The following LHPP variants were observed in gnomAD, a reference collection of about 807,000 sequenced individuals.
The protein encoded by LHPP is hLHPP.
Under a neutral mutation model 30.3 loss-of-function variants are expected in LHPP, and 24 were observed. That is an observed-to-expected ratio of 0.79 (90% CI 0.57 to 1.11). The LOEUF (loss-of-function observed/expected upper bound fraction) is 1.11. Among genes scored for constraint, LHPP ranks in the 50% most tolerant of loss-of-function variants. The pLI is 0.00. For missense variants in LHPP, 356 were observed against 367.2 expected (o/e 0.97, Z 0.25); for synonymous variants, 150 against 157.1 (o/e 0.95, Z 0.34).
intron 5 of LHPP, among the ~76,000 whole-genome samples, chr10:124,505,699 T>C (rs1173332530): frequency 6.6e-6 from 1 of 152,212 alleles, no homozygotes; most frequent in Admixed American, 6.5e-5. Context: ...AATCAGTGGA[T>C]GGTTTTATAG....
intron 6 of LHPP, among the ~76,000 whole-genome samples, chr10:124,610,554 C>CGGAGCGGGTGAGGGTGAGGGTGA (rs1949167412): frequency 4.0e-4 from 1 of 2,524 alleles, no homozygotes; most frequent in Non-Finnish European, 1.0e-3. Context: ...GGTGAGGGTG[C>CGGAGCGGGTGAGGGTGAGGGTGA]GGGTGAGGGT....
At chr10:124,534,057 G>C (rs1211823374) in intron 6 of LHPP, among the ~76,000 whole-genome samples, 1 of 152,092 alleles carries the variant, frequency 6.6e-6, no homozygotes, top group Admixed American at 6.5e-5. Flanking sequence ...AGGGGGCCTG[G>C]GGTGGGGAGC....
In LHPP at chr10:124,496,752, G is replaced by A. The variant is rs990129982; in HGVS notation, c.468-209G>A. On this transcript the variant is annotated intron_variant, in intron 3 of 6. Coordinates refer to ENST00000368842, the MANE Select transcript of LHPP (RefSeq NM_022126.4). This position sits in a 1 kb window ranked among gnomAD's most constrained non-coding sequence, Gnocchi z 4.3. ...CATCCCTGGAGCTGCTGGCTGCTGC[G>A]CTCGCCCCACTGGGTGTGGCGGCCT... 3.3e-5 allele frequency among the ~76,000 whole-genome samples: 5 copies of A among 152,200 alleles called. No individual in the cohort carries two copies. Among genetic ancestry groups the A allele is most frequent in the Admixed American group, 6.5e-5 (1 of 15,282 alleles).
At chr10:124,612,087 C>A (rs1423893763) in intron 6 of LHPP, among the ~76,000 whole-genome samples, 1 of 152,180 alleles carries the variant, frequency 6.6e-6, no homozygotes, top group Admixed American at 6.5e-5. Flanking sequence ...GGATGAGGTG[C>A]CACTTCCTCA....
chr10:124,533,509 G>A (rs758666487), intron 6 of LHPP, among the ~76,000 whole-genome samples: 4 of 152,216 alleles, frequency 2.6e-5, no homozygotes, highest in Non-Finnish European at 4.4e-5. Flanking sequence ...AGTGTGGCAC[G>A]CCTTGGGGAC....
chr10:124,562,713 C>CT (rs1368834889), intron 6 of LHPP, among the ~76,000 whole-genome samples: 1 of 152,142 alleles, frequency 6.6e-6, no homozygotes, highest in Non-Finnish European at 1.5e-5. Flanking sequence ...GGGTGGATCA[C>CT]TTGAGGCCAG....
intron 6 of LHPP, among the ~76,000 whole-genome samples, chr10:124,540,657 T>C (rs1955159399): frequency 6.6e-6 from 1 of 152,198 alleles, no homozygotes; most frequent in Non-Finnish European, 1.5e-5. Flanking sequence ...GAACGTGGCT[T>C]GGGGTTCACG....
intron 1 of LHPP, among the ~76,000 whole-genome samples, chr10:124,470,112 C>T (rs936983980): frequency 8.5e-5 from 13 of 152,188 alleles, no homozygotes; most frequent in Non-Finnish European, 1.9e-4. Flanking sequence ...TATTGAAGCC[C>T]TTTCATGGGC....
At chr10:124,544,179 G>A (rs57452993) in intron 6 of LHPP, among the ~76,000 whole-genome samples, 12,558 of 152,270 alleles carry the variant, frequency 0.082, 742 homozygotes, top group African/African-American at 0.16. Flanking sequence ...TCTGACAGAC[G>A]GGTATGTGCC....
At chr10:124,598,064 C>T (rs1948972912) in intron 6 of LHPP, among the ~76,000 whole-genome samples, 1 of 152,188 alleles carries the variant, frequency 6.6e-6, no homozygotes, top group East Asian at 1.9e-4. Context: ...GTCCAGGCCT[C>T]CCAGCCCCAA....
chr10:124,553,789 C>CG, intron 6 of LHPP: 1 of 636,996 alleles, frequency 1.6e-6, no homozygotes, highest in Non-Finnish European at 2.0e-6. Flanking sequence ...GTATGACTCC[C>CG]GGTGATATTG....
chr10:124,503,218 C>T (rs1303377681), intron 5 of LHPP, among the ~76,000 whole-genome samples: 2 of 151,356 alleles, frequency 1.3e-5, no homozygotes, highest in Non-Finnish European at 2.9e-5. Context: ...AGGCATGTGC[C>T]ACCACGCCCA....
intron 6 of LHPP, among the ~76,000 whole-genome samples, chr10:124,602,392 T>C (rs1361724607): frequency 2.6e-5 from 4 of 152,244 alleles, no homozygotes; most frequent in African/African-American, 9.6e-5. Context: ...GCTGATGTCC[T>C]GGAGGCCACA....
At chr10:124,500,921 A>C (rs982393133) in intron 5 of LHPP, among the ~76,000 whole-genome samples, 1 of 151,996 alleles carries the variant, frequency 6.6e-6, no homozygotes, top group Non-Finnish European at 1.5e-5. Flanking sequence ...GAACTGAAAC[A>C]CGTGTTCAAA....
intron 6 of LHPP, among the ~76,000 whole-genome samples, chr10:124,572,492 G>C (rs899673399): frequency 1.3e-5 from 2 of 152,006 alleles, no homozygotes; most frequent in East Asian, 3.9e-4. Flanking sequence ...TTAGCTGGGC[G>C]TGGTGGTGGG....
intron 6 of LHPP, among the ~76,000 whole-genome samples, chr10:124,591,593 C>T (rs1948882795): frequency 1.3e-5 from 2 of 151,956 alleles, no homozygotes; most frequent in Non-Finnish European, 2.9e-5. Flanking sequence ...GCACTGTGTC[C>T]GTGTCTCTGT....
intron 6 of LHPP, among the ~76,000 whole-genome samples, chr10:124,528,971 A>G (rs1954813761): frequency 6.7e-6 from 1 of 149,914 alleles, no homozygotes; most frequent in African/African-American, 2.5e-5. Context: ...TAAGAATAAG[A>G]GTTATTTTTT....
At chr10:124,582,561 C>G (rs1369367270) in intron 6 of LHPP, among the ~76,000 whole-genome samples, 1 of 150,680 alleles carries the variant, frequency 6.6e-6, no homozygotes, top group Non-Finnish European at 1.5e-5. Flanking sequence ...TCTGTATATA[C>G]CTTTGACTTC....
At chr10:124,466,051 T>C (rs1177819624) in intron 1 of LHPP, among the ~76,000 whole-genome samples, 1 of 152,170 alleles carries the variant, frequency 6.6e-6, no homozygotes, top group African/African-American at 2.4e-5. Context: ...ATTTGTCCTA[T>C]CTCGTGTGAG....
Sources: allele counts gnomAD v4.1 joint callset (sites outside exome capture counted in the v4.1 genomes callset), GRCh38; gene constraint gnomAD v4.1.1; non-coding constraint Gnocchi (gnomAD v3.1); transcripts MANE v1.5; gene names NCBI Gene and HGNC (gene_info 2026-07-23, HGNC 2026-07-21).